Variants in CTHRC1 observed in about 807,000 individuals in gnomAD.
CTHRC1 encodes the protein collagen triple helix repeat-containing protein 1.
In CTHRC1, 21 loss-of-function variants were observed where a neutral mutation model predicts 25.9. The ratio of observed to expected loss-of-function variants is 0.81; its 90% CI spans 0.57 to 1.17. The LOEUF (loss-of-function observed/expected upper bound fraction) is 1.17, where lower values mean the gene tolerates loss of function less well. CTHRC1 is among the 50% of genes most tolerant of loss of function. CTHRC1 has a pLI of 0.00. For missense variants in CTHRC1, 281 were observed against 304.3 expected, an observed-to-expected ratio of 0.92 and a Z score of 0.57; for synonymous variants, 109 against 113.1, an observed-to-expected ratio of 0.96 and a Z score of 0.23.
At position 103,382,240 on chromosome 8, in the gene CTHRC1, TATATC is replaced by T. The variant is rs1344602563; in HGVS notation, c.590-214_590-210del. Among the ~76,000 whole-genome samples, 6 of 152,194 alleles carry T rather than the reference TATATC, an allele frequency of 3.9e-5. No individual in the cohort carries two copies. In the South Asian group the frequency reaches 6.2e-4, roughly 16 times the overall value. On this transcript the variant is annotated intron_variant, in intron 3 of 3. Transcript: ENST00000330295. ...CTGTAAGAACACTGCTTGTTAAACT[TATATC>T]ATAGAATGGATATGTATACATCTTT...
At chr8:103,381,146 T>G (rs1255092632) in intron 3 of CTHRC1, among the ~76,000 whole-genome samples, 1 of 152,156 alleles carries the variant, frequency 6.6e-6, no homozygotes, top group African/African-American at 2.4e-5. Context: ...GTGCATAACG[T>G]GCAGGTTTGT....
At chr8:103,376,649 C>A (rs775939350) in intron 2 of CTHRC1, among the ~76,000 whole-genome samples, 5 of 152,200 alleles carry the variant, frequency 3.3e-5, no homozygotes, top group Non-Finnish European at 7.3e-5. Flanking sequence ...CCTCTTTTCT[C>A]TGTTGATGAA....
At chr8:103,379,770 G>C (rs1210662083) in intron 3 of CTHRC1, among the ~76,000 whole-genome samples, 2 of 152,118 alleles carry the variant, frequency 1.3e-5, no homozygotes, top group Non-Finnish European at 2.9e-5. Context: ...TAACATTTCA[G>C]CATTCTTTAG....
rs986113066 is a variant in CTHRC1 at position 103,376,432 on chromosome 8, G to A, written c.372+473G>A. On this transcript the variant is annotated intron_variant, in intron 2 of 3. Coordinates refer to ENST00000330295, the MANE Select transcript of CTHRC1 (RefSeq NM_138455.4). The stretch of plus-strand genomic sequence containing the variant: ...TAAAACTGCTAAGCCTAAGAGAAGT[G>A]AAATGGGTTAGATGTGAGGTACTAC... Among the ~76,000 whole-genome samples the A allele has an allele frequency of 2.6e-5, 4 of 152,210 alleles. No individual in the cohort carries two copies. In the South Asian group the frequency reaches 6.2e-4, roughly 24 times the overall value.
rs761116465 is a variant in CTHRC1, at chr8:103,378,114, T to C, written c.460T>C (p.Cys154Arg). 1.9e-6 allele frequency: 3 copies of C among 1,614,192 alleles called. No individual in the cohort carries two copies. Among genetic ancestry groups the C allele is most frequent in the Non-Finnish European group, 2.5e-6 (3 of 1,180,002 alleles). Residue 154 changes from cysteine to arginine, a missense_variant, in exon 3 of 4, where the codon TGT (cysteine) becomes CGT (arginine). By Grantham distance (180) the Cys-to-Arg change is radical (BLOSUM62 -3). Transcript: ENST00000330295. ...TCGGCTAAAATGCAGAAATGCATGCTGTCAGCGTTGGTATTTCACATTCAA... is the reference window on the plus strand; with the variant it reads ...TCGGCTAAAATGCAGAAATGCATGCCGTCAGCGTTGGTATTTCACATTCAA... Reference protein sequence around the residue: ...SLRLKCRNACCQRWYFTFNGA... With the variant: ...SLRLKCRNACRQRWYFTFNGA...
intron 1 of CTHRC1, among the ~76,000 whole-genome samples, chr8:103,375,498 C>A (rs1815788064): frequency 6.6e-6 from 1 of 152,006 alleles, no homozygotes; most frequent in Non-Finnish European, 1.5e-5. Context: ...ATAATTTTGT[C>A]CTCCTCTGAT....
intron 1 of CTHRC1, chr8:103,372,538 C>T: frequency 6.3e-7 from 1 of 1,598,334 alleles, no homozygotes; most frequent in African/African-American, 1.3e-5. Flanking sequence ...ATTACACACA[C>T]CCTGGGTCTT....
At position 103,371,633 on chromosome 8, in the gene CTHRC1, C is replaced by T; in HGVS notation, c.-24C>T. On this transcript the variant is annotated 5_prime_UTR_variant, in exon 1 of 4. Transcript: ENST00000330295. ...CCTCGGTCTCCTCCGCCTCCAGCTC[C>T]GCGCTGCCCGGCAGCCGGGAGCCAT... is the stretch of plus-strand genomic sequence containing the variant. 6.5e-7 allele frequency: 1 copy of T among 1,529,356 alleles called. No individual in the cohort carries two copies. 94.7% of individuals were successfully genotyped at this position (1,529,356 alleles called of 1,614,324 possible).
At chr8:103,377,964 C>A in intron 2 of CTHRC1, 63 bp from the exon 3 acceptor site, 1 of 1,374,178 alleles carries the variant, frequency 7.3e-7, no homozygotes, top group Non-Finnish European at 1.0e-6. Flanking sequence ...TCACCAGTCT[C>A]AAAAGCTCTT....
chr8:103,372,646 T>G, intron 1 of CTHRC1: 2 of 1,597,884 alleles, frequency 1.3e-6, no homozygotes, highest in Non-Finnish European at 1.7e-6. Context: ...TTCCAGGGGC[T>G]CATCTGTGGG....
intron 1 of CTHRC1, chr8:103,372,401 T>C: frequency 7.0e-7 from 1 of 1,436,208 alleles, no homozygotes; most frequent in Non-Finnish European, 9.1e-7. Flanking sequence ...TTTACTTTGT[T>C]GGACAACCAC....
chr8:103,374,694 T>C (rs1343879634), intron 1 of CTHRC1, among the ~76,000 whole-genome samples: 1 of 152,230 alleles, frequency 6.6e-6, no homozygotes, highest in South Asian at 2.1e-4. Context: ...CTGGGGAACA[T>C]AGGAATAATA....
In CTHRC1 at chr8:103,371,807, G is replaced by A; in HGVS notation, c.150+1G>A. The A allele has an allele frequency of 2.6e-6, 4 of 1,522,622 alleles. No individual in the cohort carries two copies. The highest frequency in any genetic ancestry group is 3.5e-6 in the Non-Finnish European group (4 of 1,134,126). 94.3% of individuals were successfully genotyped at this position (1,522,622 alleles called of 1,614,324 possible). ...CCGGCAGAGGGAGGTGGTGGACCTG[G>A]TGAGTCCGAGGGAGCCGAGCCGGGA... On this transcript the variant is annotated splice_donor_variant, in intron 1 of 3. Coordinates refer to ENST00000330295, the MANE Select transcript of CTHRC1 (RefSeq NM_138455.4). LOFTEE classifies it high-confidence loss of function.
In CTHRC1 at chr8:103,382,848, T is replaced by C; in HGVS notation, c.*248T>C. The C allele has an allele frequency of 2.3e-6, 1 of 427,458 alleles. No homozygotes were observed. Among genetic ancestry groups the C allele is most frequent in the Non-Finnish European group, 4.3e-6 (1 of 233,708 alleles). 26.5% of individuals were successfully genotyped at this position (427,458 alleles called of 1,614,324 possible). A position where few individuals can be genotyped will look rare whatever the true frequency, so the allele number is the denominator to read the frequency against. On this transcript the variant is annotated 3_prime_UTR_variant, in exon 4 of 4. Coordinates refer to ENST00000330295, the MANE Select transcript of CTHRC1 (RefSeq NM_138455.4). Reference sequence around the variant, plus strand: ...TTCATAGTCACATTCTCTCAACCTATAATTTGGAATATTGTTGTGGTCTTT... The same window carrying C: ...TTCATAGTCACATTCTCTCAACCTACAATTTGGAATATTGTTGTGGTCTTT...
At chr8:103,376,952 A>G (rs945614101) in intron 2 of CTHRC1, among the ~76,000 whole-genome samples, 1 of 152,224 alleles carries the variant, frequency 6.6e-6, no homozygotes, top group Non-Finnish European at 1.5e-5. Context: ...TAAACATCTG[A>G]CATTGATAGA....
At chr8:103,381,404 G>C (rs1815907667) in intron 3 of CTHRC1, among the ~76,000 whole-genome samples, 1 of 151,566 alleles carries the variant, frequency 6.6e-6, no homozygotes. Flanking sequence ...TTCTTCTCCA[G>C]CTTTACACAT....
intron 3 of CTHRC1, among the ~76,000 whole-genome samples, 181 bp from the exon 4 acceptor site, chr8:103,382,276 AT>A (rs1314396317): frequency 2.0e-5 from 3 of 152,222 alleles, no homozygotes; most frequent in Admixed American, 6.5e-5. Context: ...TCTTTTAAAA[AT>A]ATTTATGTAC....
chr8:103,376,198 TA>T, intron 2 of CTHRC1: 1 of 585,740 alleles, frequency 1.7e-6, no homozygotes, highest in Non-Finnish European at 3.0e-6. Flanking sequence ...ACATACTTTT[TA>T]AAAATGCAAA....
At chr8:103,375,665 G>C in intron 1 of CTHRC1, 73 bp from the exon 2 acceptor site, 1 of 1,275,488 alleles carries the variant, frequency 7.8e-7, no homozygotes, top group Non-Finnish European at 1.1e-6. Context: ...CAAAATAAAT[G>C]CATTTCTAAT....
Sources: allele counts gnomAD v4.1 joint callset (sites outside exome capture counted in the v4.1 genomes callset), GRCh38; gene constraint gnomAD v4.1.1; transcripts MANE v1.5; gene names NCBI Gene and HGNC (gene_info 2026-07-23, HGNC 2026-07-21).